The following PDE1C variants were observed in gnomAD, a reference collection of about 807,000 sequenced individuals.
The protein encoded by PDE1C is dual specificity calcium/calmodulin-dependent 3',5'-cyclic nucleotide phosphodiesterase 1C.
In PDE1C, 62 loss-of-function variants were observed where a neutral mutation model predicts 93.1. That is an observed-to-expected ratio of 0.67 (90% CI 0.54 to 0.82). PDE1C has a LOEUF of 0.82. PDE1C is among the 40% of genes least tolerant of loss of function. PDE1C has a pLI of 0.00. For synonymous variants in PDE1C, 325 were observed against 310.1 expected (o/e 1.05, Z -0.50); for missense variants, 742 against 884.6 (o/e 0.84, Z 2.04).
chr7:32,390,802 A>G (rs1379098843), intron 1 of PDE1C, among the ~76,000 whole-genome samples: 15 of 152,102 alleles, frequency 9.9e-5, no homozygotes, highest in Admixed American at 9.8e-4. Flanking sequence ...GTAGTGAACC[A>G]TGATGGTGCC....
At chr7:31,697,925 A>G in the PDE1C span, among the ~76,000 whole-genome samples, 1 of 152,202 alleles carries the variant, frequency 6.6e-6, no homozygotes, top group African/African-American at 2.4e-5. Context: ...TCTTATGTGG[A>G]TACAATTGAT....
At chr7:32,002,835 T>C (rs914843410) in intron 2 of PDE1C, among the ~76,000 whole-genome samples, 1 of 152,248 alleles carries the variant, frequency 6.6e-6, no homozygotes, top group African/African-American at 2.4e-5. Context: ...AGTGCTCATA[T>C]GTGTTTGTTT....
At position 32,310,456 on chromosome 7, in the gene PDE1C, T is replaced by G. The variant is rs1213858432; in HGVS notation, c.311-100917A>C. Among the ~76,000 whole-genome samples, 4 of 152,226 alleles carry G rather than the reference T, an allele frequency of 2.6e-5. No homozygotes were observed. The East Asian group carries it at 7.7e-4, about 29-fold the overall frequency. ...CAAATCAACAGAATATACATTTTTT[T>G]CAGCACTACACCACATCTATTCCAA... is the stretch of plus-strand genomic sequence containing the variant. On this transcript the variant is annotated intron_variant, in intron 1 of 1. Transcript: ENST00000672256.
chr7:32,034,047 TGA>T (rs1388682668), intron 2 of PDE1C, among the ~76,000 whole-genome samples: 2 of 117,392 alleles, frequency 1.7e-5, no homozygotes, highest in Non-Finnish European at 3.6e-5. Flanking sequence ...GGTAGTAAGA[TGA>T]GAGACTGTGT....
At chr7:32,290,897 T>A (rs546084650) in intron 1 of PDE1C, among the ~76,000 whole-genome samples, 13 of 152,074 alleles carry the variant, frequency 8.5e-5, no homozygotes, top group African/African-American at 1.2e-4. Context: ...ATCCTTACAG[T>A]TTTTCAAACA....
At chr7:31,644,480 G>A in the PDE1C span, among the ~76,000 whole-genome samples, 1 of 152,168 alleles carries the variant, frequency 6.6e-6, no homozygotes, top group Non-Finnish European at 1.5e-5. Context: ...GTGTGGGTGT[G>A]TTACTCTTAT....
At chr7:31,983,873 T>C (rs1420711991) in intron 2 of PDE1C, among the ~76,000 whole-genome samples, 4 of 152,132 alleles carry the variant, frequency 2.6e-5, no homozygotes, top group Non-Finnish European at 4.4e-5. Context: ...ATGCAGGGGC[T>C]CTTCTGAGCT....
chr7:32,156,292 CCCA>C (rs1304112155), intron 3 of PDE1C, among the ~76,000 whole-genome samples: 1 of 152,104 alleles, frequency 6.6e-6, no homozygotes, highest in African/African-American at 2.4e-5. Flanking sequence ...TCTCTCTACC[CCCA>C]CAACAGGCCC....
chr7:31,841,487 G>T (rs1791892506), intron 9 of PDE1C, among the ~76,000 whole-genome samples: 1 of 152,062 alleles, frequency 6.6e-6, no homozygotes, highest in Non-Finnish European at 1.5e-5. Context: ...CATTAAGCTT[G>T]ATGTTAGTTA....
chr7:31,824,889 C>T lies in PDE1C; in HGVS notation c.1384G>A (p.Gly462Arg). 6.2e-7 allele frequency: 1 copy of T among 1,613,320 alleles called. No homozygotes were observed. Among genetic ancestry groups the T allele is most frequent in the Non-Finnish European group, 8.5e-7 (1 of 1,179,454 alleles). ...PLIDETSQTG[G>R]TGQRRSSLNS... ...GACCTCGAACGCCTCTGTCCTGTCC[C>T]ACCAGTTTGAGAGGTTTCATCGATT... The change falls in exon 13 of 18, where the codon GGG becomes AGG. Residue 462 changes from glycine to arginine, a missense_variant. Around this residue, in one of 4 missense-constraint regions of PDE1C, gnomAD observed 454 missense variants for 459.4 expected, o/e 0.99. Transcript: ENST00000396191.
Position 31,903,879 on chromosome 7 carries a change from A to G in PDE1C, c.129-23019T>C, listed in dbSNP as rs2128924733. Among the ~76,000 whole-genome samples the G allele has an allele frequency of 1.3e-5, 2 of 152,276 alleles. 1 individual carries two copies. The highest frequency in any genetic ancestry group is 4.1e-4 in the South Asian group (2 of 4,824). ...CAACTTTAGTCAAAGGACCAATATT[A>G]ATGCTTATTTAATAATCAGTTCTTT... is the stretch of plus-strand genomic sequence containing the variant. On this transcript the variant is annotated intron_variant, in intron 2 of 17. Coordinates refer to ENST00000396191, the MANE Select transcript of PDE1C (RefSeq NM_001191057.4).
At chr7:32,175,782 T>A (rs1802947202) in intron 2 of PDE1C, among the ~76,000 whole-genome samples, 1 of 152,240 alleles carries the variant, frequency 6.6e-6, no homozygotes, top group Non-Finnish European at 1.5e-5. Flanking sequence ...CCCATCTGAA[T>A]TGTCTTCACT....
chr7:31,623,089 A>C, the PDE1C span, among the ~76,000 whole-genome samples: 3 of 152,178 alleles, frequency 2.0e-5, no homozygotes, highest in East Asian at 1.9e-4. Context: ...CAATAACAGG[A>C]TCTGAAATTG....
intron 1 of PDE1C, among the ~76,000 whole-genome samples, chr7:32,312,895 T>G (rs922275312): frequency 6.6e-6 from 1 of 152,114 alleles, no homozygotes; most frequent in Non-Finnish European, 1.5e-5. Flanking sequence ...AAAGCCAAAA[T>G]TGACAAATGG....
intron 1 of PDE1C, among the ~76,000 whole-genome samples, chr7:32,258,509 G>A (rs1321059391): frequency 6.6e-6 from 1 of 152,176 alleles, no homozygotes; most frequent in Non-Finnish European, 1.5e-5. Flanking sequence ...TGTGCTGAGG[G>A]ACAAGGGCAA....
chr7:31,662,740 G>C, the PDE1C span, among the ~76,000 whole-genome samples: 4 of 152,296 alleles, frequency 2.6e-5, no homozygotes, highest in African/African-American at 9.6e-5. Context: ...CAGTTGGTAA[G>C]AAAATTATAT....
At chr7:32,293,029 A>T (rs961808086) in intron 1 of PDE1C, among the ~76,000 whole-genome samples, 4 of 151,958 alleles carry the variant, frequency 2.6e-5, no homozygotes, top group Non-Finnish European at 4.4e-5. Context: ...GCAGCCACAA[A>T]CCCTGGGGAT....
At chr7:32,137,288 C>T (rs1400609161) in intron 3 of PDE1C, among the ~76,000 whole-genome samples, 1 of 152,230 alleles carries the variant, frequency 6.6e-6, no homozygotes, top group Non-Finnish European at 1.5e-5. Flanking sequence ...AGCCCCAGCA[C>T]TTCCATTCTT....
intron 17 of PDE1C, among the ~76,000 whole-genome samples, chr7:31,760,978 G>T (rs1794798045): frequency 6.6e-6 from 1 of 152,130 alleles, no homozygotes; most frequent in East Asian, 1.9e-4. Flanking sequence ...CAAGGGACTG[G>T]AATGTTAACG....
Sources: allele counts gnomAD v4.1 joint callset (sites outside exome capture counted in the v4.1 genomes callset), GRCh38; gene constraint gnomAD v4.1.1; regional missense constraint gnomAD v4.1.1; transcripts MANE v1.5; gene names NCBI Gene and HGNC (gene_info 2026-07-23, HGNC 2026-07-21).